The following CLDN14 variants were observed in gnomAD, a reference collection of about 807,000 sequenced individuals.
The protein encoded by CLDN14 is claudin 14.
Under a neutral mutation model 2.1 loss-of-function variants are expected in CLDN14, and 2 were observed. That is an observed-to-expected ratio of 0.96 (90% CI 0.39 to 3.01). The LOEUF (loss-of-function observed/expected upper bound fraction) is 3.01. Among genes scored for constraint, CLDN14 ranks in the 30% most tolerant of loss-of-function variants. The probability of loss-of-function intolerance (pLI) is 0.09; values close to 1 mark genes in which losing one functional copy is unlikely to be tolerated. For synonymous variants in CLDN14, 136 were observed against 154.4 expected, an observed-to-expected ratio of 0.88 and a Z score of 0.88; for missense variants, 298 against 328.0, an observed-to-expected ratio of 0.91 and a Z score of 0.71.
In CLDN14 at chr21:36,499,352, C is replaced by T. The variant is rs774861396; in HGVS notation, c.-82+11011G>A. ...GCAACCTCTGCCTCCTGGGTTCAAGCGATTCTCCTGCCTCAGCCTCCCAAG... is the reference window on the plus strand; with the variant it reads ...GCAACCTCTGCCTCCTGGGTTCAAGTGATTCTCCTGCCTCAGCCTCCCAAG... On this transcript the variant is annotated intron_variant, in intron 2 of 2. Transcript: ENST00000342108. The surrounding 1 kb of genome is among the most constrained non-coding windows in gnomAD (Gnocchi z 4.7). Among the ~76,000 whole-genome samples the T allele has an allele frequency of 7.2e-5, 11 of 152,166 alleles. No homozygotes were observed. Among genetic ancestry groups the T allele is most frequent in the African/African-American group, 9.7e-5 (4 of 41,446 alleles).
intron 1 of CLDN14, among the ~76,000 whole-genome samples, chr21:36,511,460 T>C (rs1004920612): frequency 6.6e-6 from 1 of 152,198 alleles, no homozygotes; most frequent in Admixed American, 6.5e-5. Context: ...AATTTTTCCA[T>C]AATCAATAGT....
At chr21:36,504,410 T>C (rs763805329) in intron 2 of CLDN14, among the ~76,000 whole-genome samples, 47 of 152,212 alleles carry the variant, frequency 3.1e-4, no homozygotes, top group Admixed American at 8.5e-4. Flanking sequence ...GTTATACCAT[T>C]AACTTCCACT....
At chr21:36,521,381 C>T (rs202043623) in intron 1 of CLDN14, among the ~76,000 whole-genome samples, 1 of 152,194 alleles carries the variant, frequency 6.6e-6, no homozygotes, top group East Asian at 1.9e-4. Context: ...GGCAGCTTCC[C>T]TCCTCTCCTG....
chr21:36,566,777 G>A (rs1422012106), intron 1 of CLDN14, among the ~76,000 whole-genome samples: 1 of 152,156 alleles, frequency 6.6e-6, no homozygotes, highest in Non-Finnish European at 1.5e-5. Flanking sequence ...TTCACTTCTA[G>A]CCCCACTTTC....
intron 2 of CLDN14, among the ~76,000 whole-genome samples, chr21:36,507,119 C>A (rs1384757746): frequency 7.1e-6 from 1 of 141,198 alleles, no homozygotes; most frequent in Non-Finnish European, 1.5e-5. Context: ...TGAGATGCTC[C>A]CTCTTAAAAA....
In CLDN14 at chr21:36,479,889, G is replaced by C. The variant is rs960783204; in HGVS notation, c.-476C>G. Reference sequence around the variant, plus strand: ...GGATCAAGCCTCCCCTTCCCAGCCTGGCAGGGTTGCAGGGCGTCCATAGTC... The same window carrying C: ...GGATCAAGCCTCCCCTTCCCAGCCTCGCAGGGTTGCAGGGCGTCCATAGTC... On this transcript the variant is annotated 5_prime_UTR_variant, in exon 1 of 2. Transcript: ENST00000399135. 1 of 152,334 alleles carries C rather than the reference G, an allele frequency of 6.6e-6. No homozygotes were observed. Among genetic ancestry groups the C allele is most frequent in the Non-Finnish European group, 1.5e-5 (1 of 68,136 alleles). The allele number at this position is 152,334 out of a possible 1,614,324, so 9.4% of individuals were successfully genotyped here.
At chr21:36,522,580 A>G (rs1257562120) in intron 1 of CLDN14, among the ~76,000 whole-genome samples, 4 of 152,208 alleles carry the variant, frequency 2.6e-5, no homozygotes, top group Non-Finnish European at 4.4e-5. Context: ...ACCCTGTGAT[A>G]TATGGCGCCT....
At chr21:36,513,017 CAA>C (rs2087197899) in intron 1 of CLDN14, among the ~76,000 whole-genome samples, 1 of 152,248 alleles carries the variant, frequency 6.6e-6, no homozygotes, top group African/African-American at 2.4e-5. Flanking sequence ...CATCACCTCA[CAA>C]ACTCTGCTGC....
intron 1 of CLDN14, among the ~76,000 whole-genome samples, chr21:36,566,959 C>T (rs546858641): frequency 1.8e-4 from 27 of 152,308 alleles, no homozygotes; most frequent in Middle Eastern, 3.4e-3. Context: ...ATTACAAACT[C>T]GTAAGCTCCT....
At chr21:36,547,043 C>T (rs1041482635) in intron 1 of CLDN14, among the ~76,000 whole-genome samples, 3 of 152,316 alleles carry the variant, frequency 2.0e-5, no homozygotes, top group African/African-American at 7.2e-5. Flanking sequence ...AAAGAACGAT[C>T]AGCCTCAAAT....
intron 1 of CLDN14, chr21:36,532,304 C>A (rs2087387220): frequency 6.6e-6 from 1 of 151,952 alleles, no homozygotes; most frequent in Admixed American, 6.6e-5. Flanking sequence ...AACTTGACAA[C>A]AATGGAGAAA....
At chr21:36,545,139 C>A (rs2146513533) in intron 1 of CLDN14, among the ~76,000 whole-genome samples, 1 of 152,324 alleles carries the variant, frequency 6.6e-6, no homozygotes, top group Admixed American at 6.5e-5. Flanking sequence ...GTGACTCTCT[C>A]TTTTTTGCAT....
chr21:36,541,997 G>A (rs986407707), intron 1 of CLDN14, among the ~76,000 whole-genome samples: 59 of 152,162 alleles, frequency 3.9e-4, no homozygotes, highest in African/African-American at 1.2e-3. Context: ...TCCCTCTGTC[G>A]CCCAGGCTGG....
At chr21:36,539,780 AGTGT>A (rs761602802) in intron 1 of CLDN14, among the ~76,000 whole-genome samples, 2 of 141,202 alleles carry the variant, frequency 1.4e-5, no homozygotes, top group South Asian at 4.5e-4. Flanking sequence ...ATGTGGAGTG[AGTGT>A]GTGTGTGCAG....
chr21:36,505,336 T>C (rs1398023670), intron 2 of CLDN14, among the ~76,000 whole-genome samples: 2 of 152,182 alleles, frequency 1.3e-5, no homozygotes, highest in Non-Finnish European at 2.9e-5. Context: ...AAAATAGCCC[T>C]TCAGCCCAGA....
chr21:36,471,593 G>T (rs1404149957), intron 1 of CLDN14, among the ~76,000 whole-genome samples: 1 of 152,182 alleles, frequency 6.6e-6, no homozygotes, highest in Non-Finnish European at 1.5e-5. Flanking sequence ...GCAGAGTCCA[G>T]ATTTGAATAA....
chr21:36,473,958 G>A (rs1325827836), intron 1 of CLDN14, among the ~76,000 whole-genome samples: 2 of 152,312 alleles, frequency 1.3e-5, no homozygotes, highest in African/African-American at 4.8e-5. Flanking sequence ...AGTGGTCACT[G>A]GATTAGCAAC....
Position 36,498,889 on chromosome 21 carries a change from C to T in CLDN14, c.-82+11474G>A, listed in dbSNP as rs1195038564. On this transcript the variant is annotated intron_variant, in intron 2 of 2. Transcript: ENST00000342108. The surrounding 1 kb of genome is among the most constrained non-coding windows in gnomAD (Gnocchi z 4.9). The stretch of plus-strand genomic sequence containing the variant: ...CAAGGCTTGATTCCTGCCTGAGGTG[C>T]CAGGAACCTGTCCCTTTCTTCTAGG... Among the ~76,000 whole-genome samples, 11 of 152,200 alleles carry T rather than the reference C, an allele frequency of 7.2e-5. No homozygotes were observed. The South Asian group carries it at 2.1e-3, about 29-fold the overall frequency.
chr21:36,560,397 A>G (rs1441910028), intron 1 of CLDN14, among the ~76,000 whole-genome samples: 2 of 152,182 alleles, frequency 1.3e-5, no homozygotes, highest in Admixed American at 6.5e-5. Context: ...CTTAAGTGTG[A>G]ATTATGTGTT....
Sources: allele counts gnomAD v4.1 joint callset (sites outside exome capture counted in the v4.1 genomes callset), GRCh38; gene constraint gnomAD v4.1.1; non-coding constraint Gnocchi (gnomAD v3.1); transcripts MANE v1.5; gene names NCBI Gene and HGNC (gene_info 2026-07-23, HGNC 2026-07-21).